CTTNBP2: variants seen among roughly 807,000 people sequenced by gnomAD.
CTTNBP2 encodes cortactin-binding protein 2.
CTTNBP2 carries 108 observed loss-of-function variants against 156.9 expected under a neutral mutation model. The observed-to-expected ratio is 0.69, with a 90% CI of 0.59 to 0.81. CTTNBP2 has a LOEUF of 0.81. Among genes scored for constraint, CTTNBP2 ranks in the 30% least tolerant of loss-of-function variants. CTTNBP2 has a pLI of 0.00. For missense variants in CTTNBP2, 1,924 were observed against 2,035.4 expected, an observed-to-expected ratio of 0.95 and a Z score of 1.05; for synonymous variants, 767 against 751.8, an observed-to-expected ratio of 1.02 and a Z score of -0.33.
chr7:117,836,714 A>G (rs905628648), intron 2 of CTTNBP2, among the ~76,000 whole-genome samples: 4 of 152,190 alleles, frequency 2.6e-5, no homozygotes, highest in African/African-American at 9.6e-5. Context: ...TGGGTGATTT[A>G]TACAGGAAAG....
intron 2 of CTTNBP2, among the ~76,000 whole-genome samples, chr7:117,843,487 C>G (rs756496642): frequency 5.3e-5 from 8 of 152,122 alleles, no homozygotes; most frequent in African/African-American, 1.2e-4. Context: ...TTTAGGAGAG[C>G]TTTCCAGACA....
chr7:117,807,244 G>A (rs1010436638), intron 3 of CTTNBP2, among the ~76,000 whole-genome samples: 1 of 152,132 alleles, frequency 6.6e-6, no homozygotes, highest in Middle Eastern at 3.2e-3. Flanking sequence ...AATCTTTCAT[G>A]TGCAAAATGT....
intron 4 of CTTNBP2, among the ~76,000 whole-genome samples, chr7:117,789,855 A>G (rs1246006546): frequency 6.6e-6 from 1 of 152,194 alleles, no homozygotes; most frequent in East Asian, 1.9e-4. Flanking sequence ...ACTAGATTTC[A>G]ACATAGATCT....
intron 2 of CTTNBP2, among the ~76,000 whole-genome samples, chr7:117,820,593 T>C (rs1433947803): frequency 6.6e-6 from 1 of 152,176 alleles, no homozygotes; most frequent in Non-Finnish European, 1.5e-5. Flanking sequence ...TTTTTCCACA[T>C]ATAGATTCAA....
intron 1 of CTTNBP2, among the ~76,000 whole-genome samples, chr7:117,868,049 C>G (rs185020381): frequency 6.6e-6 from 1 of 152,252 alleles, no homozygotes; most frequent in Admixed American, 6.5e-5. Flanking sequence ...CAGATCTCCC[C>G]GCAGTCTCTA....
intron 14 of CTTNBP2, among the ~76,000 whole-genome samples, chr7:117,736,645 G>A (rs34021261): frequency 0.088 from 13,449 of 151,976 alleles, 821 homozygotes; most frequent in African/African-American, 0.17. Context: ...AATGAAAGCT[G>A]GAAAAGTAAA....
chr7:117,771,358 T>G (rs34855034), intron 8 of CTTNBP2, among the ~76,000 whole-genome samples: 3 of 152,316 alleles, frequency 2.0e-5, no homozygotes, highest in African/African-American at 7.2e-5. Context: ...CCAGCTCAAG[T>G]GCTGAGAACA....
At chr7:117,727,806 T>C (rs536390075) in intron 17 of CTTNBP2, among the ~76,000 whole-genome samples, 5 of 152,298 alleles carry the variant, frequency 3.3e-5, no homozygotes, top group African/African-American at 1.2e-4. Flanking sequence ...TGAAACTTCT[T>C]ATGTGGTACC....
At chr7:117,736,708 A>C (rs1320617573) in intron 14 of CTTNBP2, among the ~76,000 whole-genome samples, 1 of 152,222 alleles carries the variant, frequency 6.6e-6, no homozygotes, top group East Asian at 1.9e-4. Flanking sequence ...AACATACTTA[A>C]AACAGTACCT....
intron 14 of CTTNBP2, among the ~76,000 whole-genome samples, chr7:117,744,955 T>A (rs1401719099): frequency 6.6e-6 from 1 of 152,194 alleles, no homozygotes; most frequent in African/African-American, 2.4e-5. Context: ...CATTTCAACC[T>A]ATCCTTCTCC....
chr7:117,716,818 T>G (rs916901889), intron 22 of CTTNBP2, among the ~76,000 whole-genome samples: 2 of 152,174 alleles, frequency 1.3e-5, no homozygotes, highest in Admixed American at 1.3e-4. Flanking sequence ...TAGTTCCACA[T>G]GTAATAGCCA....
chr7:117,743,927 A>C (rs1247963020), intron 14 of CTTNBP2, among the ~76,000 whole-genome samples: 3 of 152,004 alleles, frequency 2.0e-5, no homozygotes, highest in Non-Finnish European at 4.4e-5. Flanking sequence ...TGATATTCAG[A>C]TTCTACTGGA....
chr7:117,789,806 A>T (rs35441392), intron 4 of CTTNBP2, among the ~76,000 whole-genome samples: 6,923 of 152,218 alleles, frequency 0.045, 301 homozygotes, highest in African/African-American at 0.11. Context: ...ATGAGTAGCA[A>T]AAGAAGTCAC....
Position 117,722,222 on chromosome 7 carries a change from C to A in CTTNBP2, c.4448-1092G>T, listed in dbSNP as rs34975715. ...CTCTTTATCAAATTTGATAAGCTTC[C>A]ATAGTGATCTGCATGCAAAAGGATT... is the stretch of plus-strand genomic sequence containing the variant. On this transcript the variant is annotated intron_variant, in intron 19 of 22. Transcript: ENST00000160373. Among the ~76,000 whole-genome samples, 377 of 150,770 alleles carry A rather than the reference C, an allele frequency of 2.5e-3. 9 individuals are homozygous for A. The highest frequency in any genetic ancestry group is 0.019 in the East Asian group (97 of 5,156).
At chr7:117,800,451 A>G (rs1443158333) in intron 3 of CTTNBP2, among the ~76,000 whole-genome samples, 1 of 152,048 alleles carries the variant, frequency 6.6e-6, no homozygotes, top group Non-Finnish European at 1.5e-5. Flanking sequence ...ACATGTATGC[A>G]TTTTCAAAAC....
chr7:117,790,973 A>C (rs556412587), intron 4 of CTTNBP2, among the ~76,000 whole-genome samples, 155 bp downstream of exon 4: 1 of 152,318 alleles, frequency 6.6e-6, no homozygotes, highest in East Asian at 1.9e-4. Context: ...AGCCTTTAAA[A>C]AAAATACAAA....
At chr7:117,832,738 T>TTTTTAACC (rs1801691477) in intron 2 of CTTNBP2, among the ~76,000 whole-genome samples, 1 of 93,392 alleles carries the variant, frequency 1.1e-5, no homozygotes, top group East Asian at 2.6e-4. Flanking sequence ...TTCATCAACC[T>TTTTTAACC]TTTTTTTTTT....
At chr7:117,828,941 T>C (rs1277260455) in intron 2 of CTTNBP2, among the ~76,000 whole-genome samples, 1 of 152,238 alleles carries the variant, frequency 6.6e-6, no homozygotes, top group Non-Finnish European at 1.5e-5. Context: ...CAAAGGAGTT[T>C]AGCCCAAGAC....
intron 2 of CTTNBP2, among the ~76,000 whole-genome samples, chr7:117,855,786 G>A (rs1027649854): frequency 1.3e-5 from 2 of 152,220 alleles, no homozygotes; most frequent in East Asian, 1.9e-4. Context: ...ACTGAGTCAC[G>A]GTCTGAGAAA....
Sources: allele counts gnomAD v4.1 joint callset (sites outside exome capture counted in the v4.1 genomes callset), GRCh38; gene constraint gnomAD v4.1.1; transcripts MANE v1.5; gene names NCBI Gene and HGNC (gene_info 2026-07-23, HGNC 2026-07-21).